ARHGAP20: variants seen among roughly 807,000 people sequenced by gnomAD.
The protein encoded by ARHGAP20 is Rho GTPase activating protein 20.
In ARHGAP20, 34 loss-of-function variants were observed where a neutral mutation model predicts 73.7. That is an observed-to-expected ratio of 0.46 (90% CI 0.35 to 0.61). ARHGAP20 has a LOEUF of 0.61. Among genes scored for constraint, ARHGAP20 ranks in the 20% least tolerant of loss-of-function variants. The probability of loss-of-function intolerance (pLI) is 0.00; values close to 1 mark genes in which losing one functional copy is unlikely to be tolerated. For missense variants in ARHGAP20, 1,314 were observed against 1,420.9 expected, an observed-to-expected ratio of 0.92 and a Z score of 1.21; for synonymous variants, 523 against 518.2, an observed-to-expected ratio of 1.01 and a Z score of -0.13.
rs183770727 is a variant in ARHGAP20, at chr11:110,709,512, G to A, written c.105+2615C>T. On this transcript the variant is annotated intron_variant, in intron 1 of 14. Transcript: ENST00000683387. Reference sequence around the variant, plus strand: ...TGCTAAGATGACAATAAAGCAGAAGGTATAGAGAATGACTGAGGAGCACTT... The same window carrying A: ...TGCTAAGATGACAATAAAGCAGAAGATATAGAGAATGACTGAGGAGCACTT... 4.3e-3 allele frequency among the ~76,000 whole-genome samples: 652 copies of A among 152,290 alleles called. 2 individuals are homozygous for A. The highest frequency in any genetic ancestry group is 7.5e-3 in the Non-Finnish European group (510 of 68,020).
intron 1 of ARHGAP20, among the ~76,000 whole-genome samples, chr11:110,697,388 A>G (rs1278631129): frequency 6.6e-6 from 1 of 151,558 alleles, no homozygotes. Context: ...CTTTTTAGAA[A>G]TATCTGTTCA....
intron 9 of ARHGAP20, among the ~76,000 whole-genome samples, 174 bp from the exon 10 acceptor site, chr11:110,592,329 TA>T (rs1422402653): frequency 6.6e-6 from 1 of 152,234 alleles, no homozygotes; most frequent in Non-Finnish European, 1.5e-5. Flanking sequence ...TTTCATCTTA[TA>T]AATGAAAGAT....
intron 1 of ARHGAP20, among the ~76,000 whole-genome samples, chr11:110,706,438 T>C (rs945008460): frequency 1.3e-5 from 2 of 152,212 alleles, no homozygotes; most frequent in African/African-American, 2.4e-5. Flanking sequence ...CTATAAGTTA[T>C]AGCCAACCCT....
Position 110,578,395 on chromosome 11 carries a change from G to T in ARHGAP20, c.*975C>A, listed in dbSNP as rs149698018. The stretch of plus-strand genomic sequence containing the variant: ...GATGATTTATAAGTATGTTTTTCTG[G>T]CTGACTGTAATCTAAGAGGCAGGAC... On this transcript the variant is annotated 3_prime_UTR_variant, in exon 15 of 15. Coordinates refer to ENST00000683387, the MANE Select transcript of ARHGAP20 (RefSeq NM_001384657.1). The T allele has an allele frequency of 1.0e-3, 987 of 985,398 alleles. 9 individuals carry two copies. In the African/African-American group the frequency reaches 0.015, roughly 15 times the overall value. 61.0% of individuals were successfully genotyped at this position (985,398 alleles called of 1,614,324 possible).
At chr11:110,696,030 C>G (rs976481621) in intron 1 of ARHGAP20, among the ~76,000 whole-genome samples, 3 of 151,326 alleles carry the variant, frequency 2.0e-5, no homozygotes, top group Non-Finnish European at 4.4e-5. Flanking sequence ...CATGAGTGAA[C>G]CTTGAAAACA....
At chr11:110,581,545 A>G (rs1947468681) in intron 14 of ARHGAP20, among the ~76,000 whole-genome samples, 1 of 152,258 alleles carries the variant, frequency 6.6e-6, no homozygotes, top group South Asian at 2.1e-4. Context: ...GATTCTGAGT[A>G]AGACTCTGCC....
At chr11:110,614,488 C>G in intron 6 of ARHGAP20, 73 bp downstream of exon 6, 1 of 1,390,446 alleles carries the variant, frequency 7.2e-7, no homozygotes, top group Non-Finnish European at 1.0e-6. Flanking sequence ...TGCCTGCTCT[C>G]TCTCTTCTTA....
At chr11:110,683,723 T>C (rs1950079235) in intron 2 of ARHGAP20, among the ~76,000 whole-genome samples, 1 of 152,184 alleles carries the variant, frequency 6.6e-6, no homozygotes, top group African/African-American at 2.4e-5. Context: ...AAAGGTACTA[T>C]TATGACTCCT....
At chr11:110,593,364 C>T (rs1465490082) in intron 9 of ARHGAP20, among the ~76,000 whole-genome samples, 1 of 152,150 alleles carries the variant, frequency 6.6e-6, no homozygotes, top group African/African-American at 2.4e-5. Context: ...TAAGGTTACA[C>T]TTTTAAAAGT....
chr11:110,620,585 G>T (rs1948607381), intron 4 of ARHGAP20, among the ~76,000 whole-genome samples: 1 of 152,116 alleles, frequency 6.6e-6, no homozygotes, highest in Non-Finnish European at 1.5e-5. Flanking sequence ...CCTTCCTAAA[G>T]ATCTGAGCTT....
At chr11:110,633,774 G>C (rs1453677832) in intron 2 of ARHGAP20, among the ~76,000 whole-genome samples, 4 of 152,130 alleles carry the variant, frequency 2.6e-5, no homozygotes, top group Non-Finnish European at 5.9e-5. Flanking sequence ...ATTGTGGCTG[G>C]GGAAGAAGAG....
chr11:110,697,775 G>T (rs1201911215), intron 1 of ARHGAP20, among the ~76,000 whole-genome samples: 1 of 151,728 alleles, frequency 6.6e-6, no homozygotes, highest in Non-Finnish European at 1.5e-5. Context: ...CTGCTCCATT[G>T]ATCTGTATGT....
intron 2 of ARHGAP20, among the ~76,000 whole-genome samples, chr11:110,638,988 C>G (rs1949025408): frequency 6.6e-6 from 1 of 152,026 alleles, no homozygotes; most frequent in Non-Finnish European, 1.5e-5. Flanking sequence ...TACCCTAAAA[C>G]TTAGGGTATA....
chr11:110,625,253 G>A (rs1345928078), intron 3 of ARHGAP20, among the ~76,000 whole-genome samples: 2 of 151,188 alleles, frequency 1.3e-5, no homozygotes, highest in Admixed American at 1.3e-4. Flanking sequence ...TAGCCAGGAT[G>A]GTCTCGATCT....
At chr11:110,652,800 G>C (rs1949384803) in intron 2 of ARHGAP20, among the ~76,000 whole-genome samples, 1 of 151,742 alleles carries the variant, frequency 6.6e-6, no homozygotes, top group Non-Finnish European at 1.5e-5. Flanking sequence ...TCATGAAAAT[G>C]GCCATATTGC....
intron 11 of ARHGAP20, among the ~76,000 whole-genome samples, chr11:110,588,122 A>G (rs1565424161): frequency 6.6e-6 from 1 of 152,222 alleles, no homozygotes; most frequent in Non-Finnish European, 1.5e-5. Context: ...TAACATCTCA[A>G]TGAACTCTCC....
intron 2 of ARHGAP20, among the ~76,000 whole-genome samples, chr11:110,680,932 T>C (rs1028323480): frequency 2.0e-5 from 3 of 152,204 alleles, no homozygotes; most frequent in African/African-American, 7.2e-5. Context: ...TATAAAGCAA[T>C]TGCTGTCTCT....
chr11:110,581,015 G>A lies in ARHGAP20; in HGVS notation c.1931C>T (p.Ser644Phe), dbSNP rs1168702551. The A allele has an allele frequency of 6.2e-7, 1 of 1,614,166 alleles. No homozygotes were observed. Residue 644 changes from serine to phenylalanine, a missense_variant, in exon 15 of 15, where the codon TCT becomes TTT. This residue lies in a region of ARHGAP20 where 230 missense variants were observed against 317.6 expected (regional missense o/e 0.72). Transcript: ENST00000683387. ...TTTCATTTGAACATCTTCATCTTTA[G>A]AATGGGCCAAGTCAAAGTCGCTTAG... ...LTLSDFDLAH[S>F]KDEDVQMKRP...
chr11:110,577,086 T>C lies in ARHGAP20; in HGVS notation c.*2284A>G. On this transcript the variant is annotated 3_prime_UTR_variant, in exon 15 of 15. Coordinates refer to ENST00000683387, the MANE Select transcript of ARHGAP20 (RefSeq NM_001384657.1). Reference sequence around the variant, plus strand: ...ATGGCATTTTATTTAACAGACAGCATGGACTTCATACATATCCATTATCAG... The same window carrying C: ...ATGGCATTTTATTTAACAGACAGCACGGACTTCATACATATCCATTATCAG... The C allele has an allele frequency of 1.3e-6, 2 of 1,521,330 alleles. No homozygotes were observed. Among genetic ancestry groups the C allele is most frequent in the Non-Finnish European group, 1.8e-6 (2 of 1,137,018 alleles). 94.2% of individuals were successfully genotyped at this position (1,521,330 alleles called of 1,614,324 possible).
Sources: gnomAD v4.1 joint callset for allele counts (sites outside exome capture counted in the v4.1 genomes callset) on GRCh38, gnomAD v4.1.1 for gene constraint, gnomAD v4.1.1 regional missense constraint, MANE v1.5 for transcripts, NCBI Gene and HGNC (gene_info 2026-07-23, HGNC 2026-07-21) for gene names.